Variants in CDH13 observed in about 807,000 individuals in gnomAD.
CDH13 encodes the protein cadherin-13.
In CDH13, 24 loss-of-function variants were observed where a neutral mutation model predicts 63.8. The ratio of observed to expected loss-of-function variants is 0.38; its 90% CI spans 0.27 to 0.53. The LOEUF is 0.53. Ranked by LOEUF, CDH13 falls within the 20% of genes least tolerant of loss-of-function variation. The pLI, the probability that CDH13 is intolerant of heterozygous loss-of-function variation, is 0.85. For missense variants in CDH13, 1,049 were observed against 903.1 expected, an observed-to-expected ratio of 1.16 and a Z score of -2.07; for synonymous variants, 503 against 355.3, an observed-to-expected ratio of 1.42 and a Z score of -4.67.
At chr16:83,065,846 G>A (rs1157154972) in intron 3 of CDH13, among the ~76,000 whole-genome samples, 1 of 152,038 alleles carries the variant, frequency 6.6e-6, no homozygotes, top group Non-Finnish European at 1.5e-5. Context: ...AGGACACACA[G>A]CTGGGGAAAC....
intron 1 of CDH13, among the ~76,000 whole-genome samples, chr16:82,698,425 C>G (rs938085972): frequency 3.9e-5 from 6 of 152,192 alleles, no homozygotes; most frequent in African/African-American, 1.4e-4. Context: ...AACTACAAAA[C>G]CTTGGTAGTA....
chr16:83,699,184 C>G (rs147546937), intron 10 of CDH13, among the ~76,000 whole-genome samples: 11 of 152,330 alleles, frequency 7.2e-5, no homozygotes, highest in African/African-American at 2.4e-4. Context: ...AACATGCTAA[C>G]CAGATGAAAG....
In CDH13 at chr16:83,024,837, C is replaced by T. The variant is rs960960745; in HGVS notation, c.158-7173C>T. ...CTCTGTAATTTCACTCCTTTAATAT[C>T]GTTTTTCCTTCACAACTGTTCACAT... On this transcript the variant is annotated intron_variant, in intron 2 of 13. Transcript: ENST00000567109. 2.6e-5 allele frequency among the ~76,000 whole-genome samples: 4 copies of T among 152,158 alleles called. No individual in the cohort carries two copies. In the East Asian group the frequency reaches 5.8e-4, roughly 22 times the overall value.
At chr16:82,799,118 T>C (rs921084041) in intron 1 of CDH13, among the ~76,000 whole-genome samples, 1 of 152,124 alleles carries the variant, frequency 6.6e-6, no homozygotes, top group Non-Finnish European at 1.5e-5. Context: ...GAGAAGTCAA[T>C]TATATATCCC....
intron 5 of CDH13, among the ~76,000 whole-genome samples, chr16:83,256,377 A>C (rs894792140): frequency 6.6e-6 from 1 of 152,146 alleles, no homozygotes; most frequent in Admixed American, 6.5e-5. Flanking sequence ...CAAGAAATTA[A>C]TTCCCTGAGA....
At chr16:82,857,333 A>C (rs1362689961) in intron 1 of CDH13, among the ~76,000 whole-genome samples, 1 of 152,192 alleles carries the variant, frequency 6.6e-6, no homozygotes, top group African/African-American at 2.4e-5. Flanking sequence ...AGGGCTCAAA[A>C]ATGGTAGCTT....
rs867646717 is a variant in CDH13 at position 83,635,111 on chromosome 16, C to T, written c.1101+32517C>T. 6.6e-5 allele frequency among the ~76,000 whole-genome samples: 10 copies of T among 152,248 alleles called. No homozygotes were observed. The South Asian group carries it at 8.3e-4, about 13-fold the overall frequency. Reference sequence around the variant, plus strand: ...ATCACTCTTTTTCATTATAACCATTCTGTTCAGCATATAGTAATAGCTGCT... The same window carrying T: ...ATCACTCTTTTTCATTATAACCATTTTGTTCAGCATATAGTAATAGCTGCT... On this transcript the variant is annotated intron_variant, in intron 8 of 13. Coordinates refer to ENST00000567109, the MANE Select transcript of CDH13 (RefSeq NM_001257.5).
intron 2 of CDH13, among the ~76,000 whole-genome samples, chr16:83,013,656 A>G (rs1914385931): frequency 6.6e-6 from 1 of 152,198 alleles, no homozygotes; most frequent in Non-Finnish European, 1.5e-5. Context: ...TCTATTCCTC[A>G]GAGTTAGATG....
At chr16:82,686,594 G>A (rs1915094459) in intron 1 of CDH13, among the ~76,000 whole-genome samples, 3 of 152,164 alleles carry the variant, frequency 2.0e-5, no homozygotes, top group Non-Finnish European at 2.9e-5. Context: ...TAATCACTCT[G>A]GCCTTCGGTT....
intron 4 of CDH13, among the ~76,000 whole-genome samples, chr16:83,157,763 A>G (rs1360658648): frequency 2.2e-5 from 3 of 139,258 alleles, no homozygotes; most frequent in African/African-American, 8.3e-5. Context: ...AAAAAAAAAA[A>G]TTATCTGGGC....
intron 2 of CDH13, among the ~76,000 whole-genome samples, chr16:82,980,796 C>T (rs1032546030): frequency 6.6e-5 from 10 of 152,182 alleles, no homozygotes; most frequent in Admixed American, 6.5e-4. Context: ...CATTTTTCAA[C>T]ACAGTCAAGA....
intron 4 of CDH13, among the ~76,000 whole-genome samples, chr16:83,200,601 G>A (rs1488696269): frequency 2.0e-5 from 3 of 152,166 alleles, no homozygotes; most frequent in African/African-American, 7.2e-5. Context: ...CACCTACAAA[G>A]CAGGTATTGG....
intron 6 of CDH13, among the ~76,000 whole-genome samples, chr16:83,372,382 G>A (rs975472608): frequency 7.9e-5 from 12 of 152,072 alleles, no homozygotes; most frequent in Non-Finnish European, 5.9e-5. Flanking sequence ...GCATAAGGAC[G>A]TTTTTCTCCC....
intron 4 of CDH13, among the ~76,000 whole-genome samples, chr16:83,152,536 C>G (rs987277016): frequency 2.0e-5 from 3 of 151,916 alleles, no homozygotes; most frequent in African/African-American, 7.3e-5. Context: ...TGAAATATTT[C>G]TATATTTATT....
intron 1 of CDH13, among the ~76,000 whole-genome samples, chr16:82,849,434 G>A (rs930597604): frequency 6.6e-6 from 1 of 152,098 alleles, no homozygotes; most frequent in African/African-American, 2.4e-5. Context: ...CCAGGGAGTA[G>A]GAGGTTTCAG....
intron 7 of CDH13, among the ~76,000 whole-genome samples, chr16:83,570,438 C>G (rs1001355347): frequency 6.6e-6 from 1 of 152,122 alleles, no homozygotes; most frequent in African/African-American, 2.4e-5. Flanking sequence ...CCAACCCTTT[C>G]TGAGTTCTGA....
At chr16:83,062,397 A>C (rs2031640291) in intron 3 of CDH13, among the ~76,000 whole-genome samples, 1 of 152,178 alleles carries the variant, frequency 6.6e-6, no homozygotes, top group Non-Finnish European at 1.5e-5. Flanking sequence ...CTTAACATTT[A>C]GCTTAGTGCC....
At chr16:82,842,415 A>C (rs2039073501) in intron 1 of CDH13, among the ~76,000 whole-genome samples, 1 of 151,818 alleles carries the variant, frequency 6.6e-6, no homozygotes, top group African/African-American at 2.4e-5. Context: ...CCTCATTTGT[A>C]GTTCTTCACA....
chr16:83,657,371 T>G (rs1352347026), intron 8 of CDH13, among the ~76,000 whole-genome samples: 3 of 152,150 alleles, frequency 2.0e-5, no homozygotes, highest in Non-Finnish European at 4.4e-5. Context: ...AGGCTGCTGC[T>G]TTTCAGGGAT....
Sources: allele counts gnomAD v4.1 joint callset (sites outside exome capture counted in the v4.1 genomes callset), GRCh38; gene constraint gnomAD v4.1.1; transcripts MANE v1.5; gene names NCBI Gene and HGNC (gene_info 2026-07-23, HGNC 2026-07-21).